SV2B: variants seen among roughly 807,000 people sequenced by gnomAD.
SV2B encodes solute carrier family 22 member B2.
A neutral mutation model predicts 73.9 loss-of-function variants in SV2B; 41 were observed. That is an observed-to-expected ratio of 0.56 (90% confidence interval 0.43 to 0.72). The LOEUF is 0.72. Among genes scored for constraint, SV2B ranks in the 30% least tolerant of loss-of-function variants. The pLI is 0.00. For synonymous variants in SV2B, 314 were observed against 314.2 expected (o/e 1.00, Z 0.01); for missense variants, 764 against 857.8 (o/e 0.89, Z 1.37).
Position 91,141,868 on chromosome 15 carries a change from A to G in SV2B, c.-392+41505A>G, listed in dbSNP as rs149704559. On this transcript the variant is annotated intron_variant, in intron 1 of 12. Transcript: ENST00000394232. The surrounding 1 kb of genome is among the most constrained non-coding windows in gnomAD (Gnocchi z 4.6). ...AAGGGTGTATGTTTAAAAGACTGAC[A>G]CTGTCGGACGGGAATTGGCAGTAGA... Among the ~76,000 whole-genome samples the G allele has an allele frequency of 2.0e-5, 3 of 152,192 alleles. No homozygotes were observed. The East Asian group carries it at 5.8e-4, about 29-fold the overall frequency.
At position 91,141,886 on chromosome 15, in the gene SV2B, G is replaced by T. The variant is rs1470282103; in HGVS notation, c.-392+41523G>T. ...GACTGACACTGTCGGACGGGAATTG[G>T]CAGTAGAGAACACAGGGTCCCACAG... On this transcript the variant is annotated intron_variant, in intron 1 of 12. Coordinates refer to ENST00000394232, the MANE Select transcript of SV2B (RefSeq NM_001323032.3). The surrounding 1 kb of genome is among the most constrained non-coding windows in gnomAD (Gnocchi z 4.6). Among the ~76,000 whole-genome samples the T allele has an allele frequency of 2.0e-5, 3 of 152,108 alleles. No individual in the cohort carries two copies. The highest frequency in any genetic ancestry group is 2.9e-5 in the Non-Finnish European group (2 of 68,018).
rs149291154 is a variant in SV2B at position 91,260,408 on chromosome 15, C to T, written c.1007C>T (p.Thr336Met). ...RAKGTPEKVF[T>M]VSNIKTPKQM... ...AAGGGGACCCCAGAGAAAGTGTTCA[C>T]GGTGAGTGTGGGGTTGCCTGCCAAT... Residue 336 changes from threonine to methionine, a missense_variant and splice_region_variant, in exon 6 of 13, where the codon ACG (threonine) becomes ATG (methionine). Physicochemically the swap from Thr to Met is moderately conservative, Grantham distance 81. Transcript: ENST00000394232. 1.1e-5 allele frequency: 17 copies of T among 1,611,546 alleles called. No homozygotes were observed. The highest frequency in any genetic ancestry group is 2.7e-5 in the African/African-American group (2 of 74,896).
At chr15:91,276,160 T>TA (rs1376481377) in intron 9 of SV2B, among the ~76,000 whole-genome samples, 3 of 151,898 alleles carry the variant, frequency 2.0e-5, no homozygotes, top group Middle Eastern at 3.4e-3. Context: ...ATTCTTATCT[T>TA]TATTTATTAA....
At chr15:91,286,633 T>C (rs780173007) in intron 11 of SV2B, among the ~76,000 whole-genome samples, 18 of 152,160 alleles carry the variant, frequency 1.2e-4, no homozygotes, top group Admixed American at 2.0e-4. Context: ...TTATTATTAT[T>C]GAATATTATG....
chr15:91,257,720 G>A (rs903198020), intron 4 of SV2B, among the ~76,000 whole-genome samples: 1 of 152,186 alleles, frequency 6.6e-6, no homozygotes, highest in African/African-American at 2.4e-5. Flanking sequence ...GGTCGTATGA[G>A]GCCCTGCTCT....
chr15:91,172,336 C>G (rs1443793166), intron 1 of SV2B, among the ~76,000 whole-genome samples: 4 of 152,244 alleles, frequency 2.6e-5, no homozygotes, highest in Non-Finnish European at 5.9e-5. Flanking sequence ...AGTGTGGACA[C>G]TTCCCTCTCT....
intron 1 of SV2B, among the ~76,000 whole-genome samples, chr15:91,142,099 C>T (rs1338646762): frequency 1.3e-5 from 2 of 152,128 alleles, no homozygotes; most frequent in Non-Finnish European, 2.9e-5. Flanking sequence ...TGGAAAGGTC[C>T]AAGATTTCTT....
At chr15:91,152,105 G>A (rs1383294466) in intron 1 of SV2B, among the ~76,000 whole-genome samples, 1 of 145,804 alleles carries the variant, frequency 6.9e-6, no homozygotes, top group East Asian at 2.0e-4. Flanking sequence ...GTGAGCAGCA[G>A]CAAGATTTAT....
rs1213740414 is a variant in SV2B at position 91,214,654 on chromosome 15, T to C, written c.-391-11219T>C. Among the ~76,000 whole-genome samples the C allele has an allele frequency of 2.3e-4, 35 of 152,140 alleles. No homozygotes were observed. The highest frequency in any genetic ancestry group is 2.2e-3 in the Admixed American group (33 of 15,284). ...AACAGCCACTGTATGGCAAGAAATA[T>C]CATTAACAATTGTTTTCCCGATGAA... On this transcript the variant is annotated intron_variant, in intron 1 of 12. Transcript: ENST00000394232. This position sits in a 1 kb window ranked among gnomAD's most constrained non-coding sequence, Gnocchi z 4.7.
intron 1 of SV2B, among the ~76,000 whole-genome samples, chr15:91,175,721 A>G (rs2044280791): frequency 6.6e-6 from 1 of 151,510 alleles, no homozygotes; most frequent in South Asian, 2.1e-4. Flanking sequence ...ATATATATAC[A>G]TATATGTGAC....
In SV2B at chr15:91,296,033, T is replaced by A. The variant is rs141999216; in HGVS notation, c.*3481T>A. On this transcript the variant is annotated 3_prime_UTR_variant, in exon 13 of 13. Coordinates refer to ENST00000394232, the MANE Select transcript of SV2B (RefSeq NM_001323032.3). Reference sequence around the variant, plus strand: ...ATTTCCAAATGTGGTGGCTCCCTCTTATTTTTTTTTCTTTGAGGAGTGTAC... The same window carrying A: ...ATTTCCAAATGTGGTGGCTCCCTCTAATTTTTTTTTCTTTGAGGAGTGTAC... The A allele has an allele frequency of 1.7e-3, 265 of 152,288 alleles. 1 individual carries two copies. Among genetic ancestry groups the A allele is most frequent in the African/African-American group, 5.5e-3 (230 of 41,532 alleles). 9.4% of individuals were successfully genotyped at this position (152,288 alleles called of 1,614,324 possible).
At position 91,276,015 on chromosome 15, in the gene SV2B, CTCT is replaced by C. The variant is rs537984182; in HGVS notation, c.1374-5710_1374-5708del. ...TGTTTGTCTGATGGATCTGTTTCTT[CTCT>C]TCAATTTTGAAAATATTTTTGCTGG... On this transcript the variant is annotated intron_variant, in intron 9 of 12. Coordinates refer to ENST00000394232, the MANE Select transcript of SV2B (RefSeq NM_001323032.3). Among the ~76,000 whole-genome samples the C allele has an allele frequency of 3.1e-4, 46 of 149,168 alleles. No homozygotes were observed. The East Asian group carries it at 8.4e-3, about 27-fold the overall frequency.
chr15:91,152,213 G>A (rs551970662), intron 1 of SV2B, among the ~76,000 whole-genome samples: 99 of 152,180 alleles, frequency 6.5e-4, no homozygotes, highest in Non-Finnish European at 1.1e-3. Context: ...GGCTCTTTGC[G>A]AGAGAATGAG....
chr15:91,230,058 T>C (rs1341861114), intron 2 of SV2B, among the ~76,000 whole-genome samples: 1 of 152,004 alleles, frequency 6.6e-6, no homozygotes, highest in Middle Eastern at 3.2e-3. Context: ...CTGGGCAACA[T>C]GGTGAAACCC....
rs1257569518 is a variant in SV2B, at chr15:91,121,120, T to C, written c.-392+20757T>C. Among the ~76,000 whole-genome samples, 1 of 139,296 alleles carries C rather than the reference T, an allele frequency of 7.2e-6. No individual in the cohort carries two copies. The highest frequency in any genetic ancestry group is 1.6e-5 in the Non-Finnish European group (1 of 63,134). 91.4% of individuals were successfully genotyped at this position (139,296 alleles called of 152,430 possible). A position where few individuals can be genotyped will look rare whatever the true frequency, so the allele number is the denominator to read the frequency against. On this transcript the variant is annotated intron_variant, in intron 1 of 12. Transcript: ENST00000394232. The surrounding 1 kb of genome is among the most constrained non-coding windows in gnomAD (Gnocchi z 4.4). ...ACGCTAATTTTTGGTCTTATGTTAG[T>C]AACTCGTTTCATTTTTTTTTCTCTT... is the stretch of plus-strand genomic sequence containing the variant.
chr15:91,188,967 C>A (rs1285515953), intron 1 of SV2B, among the ~76,000 whole-genome samples: 1 of 152,166 alleles, frequency 6.6e-6, no homozygotes, highest in Non-Finnish European at 1.5e-5. Context: ...GCTGGCATTA[C>A]AGGTGCACAC....
intron 6 of SV2B, among the ~76,000 whole-genome samples, chr15:91,262,288 C>A (rs2047936797): frequency 1.3e-5 from 2 of 152,106 alleles, no homozygotes. Context: ...AAAACCGGTG[C>A]CTGGCTTGGA....
At chr15:91,251,780 T>C (rs901161078) in intron 2 of SV2B, 39 bp from the exon 3 acceptor site, 6 of 1,590,876 alleles carry the variant, frequency 3.8e-6, no homozygotes, top group Non-Finnish European at 5.1e-6. Context: ...ATCTTTTGTC[T>C]TTTCTCTCTA....
intron 1 of SV2B, among the ~76,000 whole-genome samples, chr15:91,143,830 G>A (rs779581613): frequency 2.0e-5 from 3 of 152,322 alleles, no homozygotes; most frequent in South Asian, 2.1e-4. Context: ...GCCTCGAAGA[G>A]CATGTTAATG....
Sources: allele counts gnomAD v4.1 joint callset (sites outside exome capture counted in the v4.1 genomes callset), GRCh38; gene constraint gnomAD v4.1.1; non-coding constraint Gnocchi (gnomAD v3.1); transcripts MANE v1.5; gene names NCBI Gene and HGNC (gene_info 2026-07-23, HGNC 2026-07-21).